UNC13A: variants seen among roughly 807,000 people sequenced by gnomAD.
UNC13A encodes unc-13 homolog A, also known as protein unc-13 homolog A.
In UNC13A, 61 loss-of-function variants were observed where a neutral mutation model predicts 219.7. That is an observed-to-expected ratio of 0.28 (90% confidence interval 0.23 to 0.34). UNC13A has a LOEUF of 0.34. UNC13A is among the 10% of genes least tolerant of loss of function. The pLI is 1.00. For missense variants in UNC13A, 1,476 were observed against 2,270.3 expected (o/e 0.65, Z 7.11); for synonymous variants, 920 against 884.6 (o/e 1.04, Z -0.71).
chr19:17,663,577 G>A lies in UNC13A; in HGVS notation c.524-10C>T, dbSNP rs768863816. On this transcript the variant is annotated splice_polypyrimidine_tract_variant and intron_variant, in intron 7 of 43. Coordinates refer to ENST00000519716, the MANE Select transcript of UNC13A (RefSeq NM_001080421.3). ...AAATAATTCCAGTTGCCTACAAAGA[G>A]AAGGGGCAGAAATAATAAAAGGGAG... 2 of 1,607,766 alleles carry A rather than the reference G, an allele frequency of 1.2e-6. No individual in the cohort carries two copies. Among genetic ancestry groups the A allele is most frequent in the South Asian group, 2.2e-5 (2 of 89,434 alleles).
Position 17,602,729 on chromosome 19 carries a change from C to T in UNC13A, c.*3325G>A, listed in dbSNP as rs2081993414. The T allele has an allele frequency of 6.6e-6, 1 of 152,346 alleles. No individual in the cohort carries two copies. The highest frequency in any genetic ancestry group is 2.4e-5 in the African/African-American group (1 of 41,462). The allele number at this position is 152,346 out of a possible 1,614,324, so 9.4% of individuals were successfully genotyped here. A position where few individuals can be genotyped will look rare whatever the true frequency, so the allele number is the denominator to read the frequency against. ...CACTCTCTGTCCCATGTGTCAGGCT[C>T]AGACACCTCCTATGTGCCCAGGTCC... On this transcript the variant is annotated 3_prime_UTR_variant, in exon 44 of 44. Coordinates refer to ENST00000519716, the MANE Select transcript of UNC13A (RefSeq NM_001080421.3).
chr19:17,630,373 G>A (rs1255511691), intron 29 of UNC13A, 85 bp from the exon 30 acceptor site: 1 of 1,520,160 alleles, frequency 6.6e-7, no homozygotes, highest in South Asian at 1.3e-5. Flanking sequence ...TCCACGGGGA[G>A]AGCCAGAGAC....
chr19:17,618,282 C>G (rs1422565375), intron 40 of UNC13A, 139 bp downstream of exon 40: 2 of 954,322 alleles, frequency 2.1e-6, no homozygotes, highest in East Asian at 2.6e-5. Context: ...CAGCCCAGCT[C>G]TGGCACAGAC....
In UNC13A at chr19:17,627,802, C is replaced by A; in HGVS notation, c.3831+61G>T. The A allele has an allele frequency of 1.3e-6, 2 of 1,525,524 alleles. No individual in the cohort carries two copies. The highest frequency in any genetic ancestry group is 1.8e-6 in the Non-Finnish European group (2 of 1,120,768). The allele number at this position is 1,525,524 out of a possible 1,614,324, so 94.5% of individuals were successfully genotyped here. On this transcript the variant is annotated intron_variant, in intron 32 of 43. Transcript: ENST00000519716. This position sits in a 1 kb window ranked among gnomAD's most constrained non-coding sequence, Gnocchi z 4.7. ...GGTGGCATATGAGCTCAGGGGCCTG[C>A]AGGGACACAGTGGTGGGGGTGCCCC...
At chr19:17,609,823 G>A in intron 43 of UNC13A, 117 bp downstream of exon 43, 2 of 1,421,162 alleles carry the variant, frequency 1.4e-6, no homozygotes, top group Middle Eastern at 2.6e-4. Context: ...CCTAGAATGT[G>A]GCCCCTCCCA....
Position 17,640,619 on chromosome 19 carries a change from C to A in UNC13A, c.2679G>T (p.Val893=). ...CLSSKYMCPG[V]PAVMSTLLAN... ...CGAGCAGGGTGCTCATGACGGCAGGCACCCCTGGGCACATATACTTGGAGG... is the reference window on the plus strand; with the variant it reads ...CGAGCAGGGTGCTCATGACGGCAGGAACCCCTGGGCACATATACTTGGAGG... Residue 893 remains valine, a synonymous_variant, in exon 22 of 44, where the codon GTG becomes GTT. Coordinates refer to ENST00000519716, the MANE Select transcript of UNC13A (RefSeq NM_001080421.3). 6.3e-7 allele frequency: 1 copy of A among 1,590,108 alleles called. No homozygotes were observed. Among genetic ancestry groups the A allele is most frequent in the Non-Finnish European group, 8.6e-7 (1 of 1,169,114 alleles).
At position 17,681,069 on chromosome 19, in the gene UNC13A, C is replaced by CTTT. The variant is rs71929988; in HGVS notation, c.23-5031_23-5029dup. On this transcript the variant is annotated intron_variant, in intron 1 of 43. Transcript: ENST00000519716. ...TGCGCATCACCATGCTTGGCTATTC[C>CTTT]TTTTTTTTTTTTTTTTTTTTTGTAG... Among the ~76,000 whole-genome samples the CTTT allele has an allele frequency of 2.6e-3, 248 of 96,066 alleles. 3 individuals carry two copies. Among genetic ancestry groups the CTTT allele is most frequent in the African/African-American group, 3.0e-3 (67 of 22,490 alleles). 63.0% of individuals were successfully genotyped at this position (96,066 alleles called of 152,430 possible).
intron 22 of UNC13A, 94 bp from the exon 23 acceptor site, chr19:17,640,002 A>C (rs1599364129): frequency 8.2e-7 from 1 of 1,217,280 alleles, no homozygotes; most frequent in Non-Finnish European, 1.2e-6. Context: ...TACCTCATCC[A>C]CCACCCTCAT....
At chr19:17,656,832 A>G (rs1035132948) in intron 9 of UNC13A, among the ~76,000 whole-genome samples, 10 of 138,286 alleles carry the variant, frequency 7.2e-5, no homozygotes, top group Admixed American at 7.6e-5. Context: ...AGCCTGGGCA[A>G]CAAGAGCGAA....
chr19:17,625,739 TCCAA>T (rs1407687276), intron 34 of UNC13A, among the ~76,000 whole-genome samples: 1 of 147,342 alleles, frequency 6.8e-6, no homozygotes. Flanking sequence ...CCCCCATCTG[TCCAA>T]CCATTTATGC....
intron 9 of UNC13A, among the ~76,000 whole-genome samples, chr19:17,657,352 T>C (rs2079476042): frequency 6.6e-6 from 1 of 152,196 alleles, no homozygotes; most frequent in South Asian, 2.1e-4. Context: ...AGCAAACTCC[T>C]ACCCACCCTC....
chr19:17,630,873 T>G, intron 28 of UNC13A, 123 bp from the exon 29 acceptor site: 1 of 823,260 alleles, frequency 1.2e-6, no homozygotes, highest in Non-Finnish European at 1.9e-6. Flanking sequence ...GAGCTCTCCC[T>G]GCAGCCTTGA....
chr19:17,674,505 T>C lies in UNC13A; in HGVS notation c.152+152A>G, dbSNP rs2079858342. The stretch of plus-strand genomic sequence containing the variant: ...GGGAAGTGATTGGATTGGGGATGTG[T>C]TTTGGAGGTGAAGGTGATAAGGTGG... On this transcript the variant is annotated intron_variant, in intron 3 of 43. Transcript: ENST00000519716. This position sits in a 1 kb window ranked among gnomAD's most constrained non-coding sequence, Gnocchi z 5.0. Among the ~76,000 whole-genome samples, 6 of 151,818 alleles carry C rather than the reference T, an allele frequency of 4.0e-5. No homozygotes were observed. The South Asian group carries it at 1.2e-3, about 32-fold the overall frequency.
intron 12 of UNC13A, 22 bp downstream of exon 12, chr19:17,652,609 C>T (rs781305613): frequency 3.5e-5 from 57 of 1,613,652 alleles, no homozygotes; most frequent in East Asian, 6.7e-5. Flanking sequence ...TTCCTCCCAC[C>T]GCTCACAGTT....
chr19:17,606,248 G>A lies in UNC13A; in HGVS notation c.4918C>T (p.Leu1640=), dbSNP rs769332211. The change falls in exon 44 of 44, where the codon CTG becomes TTG. Residue 1640 remains leucine, a synonymous_variant. Coordinates refer to ENST00000519716, the MANE Select transcript of UNC13A (RefSeq NM_001080421.3). ...CTCCCGCGCTGGGCCAGCTCACGCA[G>A]CTGCAGCACGGCCAGCCCCACCGTG... is the stretch of plus-strand genomic sequence containing the variant. ...DRTVGLAVLQ[L]RELAQRGSAA... 1 of 1,547,832 alleles carries A rather than the reference G, an allele frequency of 6.5e-7. No individual in the cohort carries two copies. Among genetic ancestry groups the A allele is most frequent in the Non-Finnish European group, 8.7e-7 (1 of 1,146,470 alleles).
At chr19:17,628,470 AAC>A (rs140529898) in intron 31 of UNC13A, 161 of 169,516 alleles carry the variant, frequency 9.5e-4, no homozygotes, top group South Asian at 2.6e-3. Context: ...GACGTGCACA[AAC>A]ACACACACAC....
intron 5 of UNC13A, among the ~76,000 whole-genome samples, chr19:17,669,287 A>G (rs530570870): frequency 1.3e-5 from 2 of 152,310 alleles, no homozygotes; most frequent in South Asian, 4.1e-4. Flanking sequence ...AACAGCCAGG[A>G]TAGCTCAACC....
chr19:17,608,692 A>C (rs867561264), intron 43 of UNC13A, among the ~76,000 whole-genome samples: 12 of 149,972 alleles, frequency 8.0e-5, no homozygotes, highest in Non-Finnish European at 1.0e-4. Flanking sequence ...TAGGTTTTGT[A>C]TTTTTAGTAG....
At chr19:17,679,835 C>T (rs1271526935) in intron 1 of UNC13A, among the ~76,000 whole-genome samples, 1 of 152,106 alleles carries the variant, frequency 6.6e-6, no homozygotes, top group East Asian at 1.9e-4. Context: ...CAGTCCGGCT[C>T]CTCTTCCCTA....
Sources: allele counts gnomAD v4.1 joint callset (sites outside exome capture counted in the v4.1 genomes callset), GRCh38; gene constraint gnomAD v4.1.1; non-coding constraint Gnocchi (gnomAD v3.1); transcripts MANE v1.5; gene names NCBI Gene and HGNC (gene_info 2026-07-23, HGNC 2026-07-21).